Variants in TRAPPC11 observed in about 807,000 individuals in gnomAD.
TRAPPC11 encodes the protein foie gras homolog.
Under a neutral mutation model 151.2 loss-of-function variants are expected in TRAPPC11, and 104 were observed. That is an observed-to-expected ratio of 0.69 (90% CI 0.59 to 0.81). TRAPPC11 has a LOEUF of 0.81. Among genes scored for constraint, TRAPPC11 ranks in the 30% least tolerant of loss-of-function variants. TRAPPC11 has a pLI of 0.00. For synonymous variants in TRAPPC11, 456 were observed against 472.3 expected, an observed-to-expected ratio of 0.97 and a Z score of 0.45; for missense variants, 1,230 against 1,349.6, an observed-to-expected ratio of 0.91 and a Z score of 1.39.
intron 11 of TRAPPC11, among the ~76,000 whole-genome samples, chr4:183,683,224 T>C (rs568353029): frequency 6.6e-6 from 1 of 152,250 alleles, no homozygotes; most frequent in African/African-American, 2.4e-5. Context: ...TGTTGTCTTA[T>C]TTAAATATTT....
At chr4:183,696,680 C>T (rs1736553687) in intron 23 of TRAPPC11, among the ~76,000 whole-genome samples, 1 of 152,156 alleles carries the variant, frequency 6.6e-6, no homozygotes, top group Non-Finnish European at 1.5e-5. Flanking sequence ...CAGGTGTGAG[C>T]CACCATGCCC....
At chr4:183,663,767 T>TTTG in intron 1 of TRAPPC11, 80 bp from the exon 2 acceptor site, 1 of 673,894 alleles carries the variant, frequency 1.5e-6, no homozygotes, top group Admixed American at 2.9e-5. Flanking sequence ...AGACAGAGTT[T>TTTG]TGCTCTTGTT....
rs574951106 is a variant in TRAPPC11, at chr4:183,663,860, T to A, written c.-8T>A. On this transcript the variant is annotated 5_prime_UTR_variant, in exon 2 of 30. Transcript: ENST00000334690. ...TTTGTATTTCAGGTTTTTTGTGACA[T>A]CGTAAACATGAGCCCCACACAGTGG... The A allele has an allele frequency of 2.5e-6, 4 of 1,580,372 alleles. No individual in the cohort carries two copies. The highest frequency in any genetic ancestry group is 3.4e-5 in the Admixed American group (2 of 58,662).
chr4:183,674,757 C>A lies in TRAPPC11; in HGVS notation c.605C>A (p.Thr202Asn), dbSNP rs753395326. 1 of 1,592,428 alleles carries A rather than the reference C, an allele frequency of 6.3e-7. No individual in the cohort carries two copies. Among genetic ancestry groups the A allele is most frequent in the Non-Finnish European group, 8.5e-7 (1 of 1,172,178 alleles). Residue 202 changes from threonine to asparagine, a missense_variant, in exon 6 of 30, where the codon ACT (threonine) becomes AAT (asparagine). Thr to Asn is a moderately conservative substitution (Grantham distance 65). Coordinates refer to ENST00000334690, the MANE Select transcript of TRAPPC11 (RefSeq NM_021942.6). ...FYEHAQTYYY[T>N]EIRRVKSHKE... ...GAACATGCACAGACTTATTACTACA[C>A]TGAGATCAGAAGAGTGAAATCTCAT...
intron 18 of TRAPPC11, among the ~76,000 whole-genome samples, chr4:183,690,852 C>T (rs549726809): frequency 1.1e-4 from 17 of 152,232 alleles, no homozygotes; most frequent in Non-Finnish European, 2.4e-4. Flanking sequence ...CCTATGGTCC[C>T]AGCTACTTTG....
intron 25 of TRAPPC11, among the ~76,000 whole-genome samples, chr4:183,700,199 C>G (rs143790776): frequency 6.6e-6 from 1 of 152,202 alleles, no homozygotes; most frequent in East Asian, 1.9e-4. Context: ...ATGAATGGCC[C>G]AGGTTTTTTA....
Position 183,663,936 on chromosome 4 carries a change from G to A in TRAPPC11, c.69G>A (p.Thr23=), listed in dbSNP as rs770030465. Residue 23 remains threonine, a synonymous_variant, in exon 2 of 30, where the codon ACG becomes ACA. Transcript: ENST00000334690. ...GGCCTATGGCCTTTGTTACTCTAAC[G>A]GGCCTGGATGTAGTTTATAATGCAG... The part of the protein sequence containing the change: ...CCRPMAFVTL[T]GLDVVYNAVH... 6 of 1,613,988 alleles carry A rather than the reference G, an allele frequency of 3.7e-6. No homozygotes were observed. Among genetic ancestry groups the A allele is most frequent in the South Asian group, 1.1e-5 (1 of 91,082 alleles).
At chr4:183,710,145 A>C (rs62358038) in intron 29 of TRAPPC11, among the ~76,000 whole-genome samples, 9 of 151,994 alleles carry the variant, frequency 5.9e-5, no homozygotes, top group South Asian at 2.1e-4. Flanking sequence ...GGTTCCATCA[A>C]TTATTCTCTT....
chr4:183,667,193 AGGGGTTTT>A, intron 4 of TRAPPC11, 63 bp downstream of exon 4: 1 of 1,383,442 alleles, frequency 7.2e-7, no homozygotes, highest in Admixed American at 1.8e-5. Flanking sequence ...AAAGGGAGAT[AGGGGTTTT>A]TTGGATGTTT....
chr4:183,673,773 C>T (rs542000049), intron 5 of TRAPPC11, among the ~76,000 whole-genome samples: 4 of 152,296 alleles, frequency 2.6e-5, no homozygotes, highest in Non-Finnish European at 4.4e-5. Flanking sequence ...TATTTAAGTT[C>T]GTCTTTTATC....
intron 27 of TRAPPC11, among the ~76,000 whole-genome samples, chr4:183,705,378 T>C (rs530471616): frequency 1.3e-5 from 2 of 152,364 alleles, no homozygotes; most frequent in South Asian, 4.1e-4. Context: ...TGTCTTAATG[T>C]CATCAAATTC....
chr4:183,693,409 C>T (rs1736359232), intron 20 of TRAPPC11, among the ~76,000 whole-genome samples, 180 bp from the exon 21 acceptor site: 1 of 152,122 alleles, frequency 6.6e-6, no homozygotes, highest in South Asian at 2.1e-4. Flanking sequence ...TCTTACTATG[C>T]TGCCCAGCCT....
rs1735916392 is a variant in TRAPPC11 at position 183,685,415 on chromosome 4, A to G, written c.1762+12A>G. 1.1e-5 allele frequency: 18 copies of G among 1,611,196 alleles called. No homozygotes were observed. Among genetic ancestry groups the G allele is most frequent in the Non-Finnish European group, 1.4e-5 (16 of 1,177,488 alleles). On this transcript the variant is annotated intron_variant, in intron 17 of 29. Coordinates refer to ENST00000334690, the MANE Select transcript of TRAPPC11 (RefSeq NM_021942.6). Reference sequence around the variant, plus strand: ...CTTTGTGCCATTTGGTAGGTAGCTAACATCTACAGTACTATTTCAGAGAAA... The same window carrying G: ...CTTTGTGCCATTTGGTAGGTAGCTAGCATCTACAGTACTATTTCAGAGAAA...
chr4:183,705,952 A>G (rs1205958062), intron 27 of TRAPPC11: 2 of 152,200 alleles, frequency 1.3e-5, no homozygotes, highest in Non-Finnish European at 2.9e-5. Flanking sequence ...AACAGCATAC[A>G]TGTAAATGGG....
intron 7 of TRAPPC11, among the ~76,000 whole-genome samples, chr4:183,675,883 C>T (rs529924472): frequency 6.6e-6 from 1 of 152,178 alleles, no homozygotes; most frequent in Admixed American, 6.5e-5. Flanking sequence ...ATATTTTAGT[C>T]CTTTGCTTTT....
At chr4:183,707,780 A>G (rs1038831228) in intron 28 of TRAPPC11, among the ~76,000 whole-genome samples, 1 of 152,180 alleles carries the variant, frequency 6.6e-6, no homozygotes, top group Non-Finnish European at 1.5e-5. Flanking sequence ...CAACTATAGT[A>G]TTTACAAATG....
rs926392732 is a variant in TRAPPC11, at chr4:183,667,059, G to C, written c.375-1G>C. On this transcript the variant is annotated splice_acceptor_variant, in intron 3 of 29. Transcript: ENST00000334690. LOFTEE classifies it high-confidence loss of function. ...ATTTTATTCTTGCTTTTTCATTGCAGGCAAAGTTTACAAGGAAGAAACACA... is the reference window on the plus strand; with the variant it reads ...ATTTTATTCTTGCTTTTTCATTGCACGCAAAGTTTACAAGGAAGAAACACA... 1.3e-5 allele frequency: 21 copies of C among 1,588,204 alleles called. No individual in the cohort carries two copies. The highest frequency in any genetic ancestry group is 1.8e-5 in the Non-Finnish European group (21 of 1,163,124).
At chr4:183,680,003 A>T in intron 9 of TRAPPC11, 117 bp from the exon 10 acceptor site, 1 of 774,538 alleles carries the variant, frequency 1.3e-6, no homozygotes. Context: ...TTAACTGTTC[A>T]TCAATAGCAC....
rs113115757 is a variant in TRAPPC11 at position 183,680,061 on chromosome 4, A to G, written c.966-59A>G. 2,547 of 1,488,936 alleles carry G rather than the reference A, an allele frequency of 1.7e-3. 42 individuals are homozygous for G. In the African/African-American group the frequency reaches 0.032, roughly 19 times the overall value. 92.2% of individuals were successfully genotyped at this position (1,488,936 alleles called of 1,614,324 possible). ...GTTAAGTTTCCCAGGATGAATTACC[A>G]GAAATAAGCTTCTTTTTCTTTTCAT... On this transcript the variant is annotated intron_variant, in intron 9 of 29. Coordinates refer to ENST00000334690, the MANE Select transcript of TRAPPC11 (RefSeq NM_021942.6).
Sources: gnomAD v4.1 joint callset for allele counts (sites outside exome capture counted in the v4.1 genomes callset) on GRCh38, gnomAD v4.1.1 for gene constraint, MANE v1.5 for transcripts, NCBI Gene and HGNC (gene_info 2026-07-23, HGNC 2026-07-21) for gene names.